The following PCDHGA7 variants were observed in gnomAD, a reference collection of about 807,000 sequenced individuals.
PCDHGA7 encodes the protein protocadherin gamma-A7.
A neutral mutation model predicts 58.3 loss-of-function variants in PCDHGA7; 44 were observed. That is an observed-to-expected ratio of 0.75 (90% CI 0.59 to 0.97). The LOEUF is 0.97. Among genes scored for constraint, PCDHGA7 ranks in the 50% least tolerant of loss-of-function variants. The pLI, the probability that PCDHGA7 is intolerant of heterozygous loss-of-function variation, is 0.00. For synonymous variants in PCDHGA7, 516 were observed against 504.2 expected (o/e 1.02, Z -0.31); for missense variants, 1,266 against 1,188.7 (o/e 1.06, Z -0.96).
chr5:141,479,928 C>T (rs1309777916), intron 1 of PCDHGA7, among the ~76,000 whole-genome samples: 1 of 152,222 alleles, frequency 6.6e-6, no homozygotes, highest in African/African-American at 2.4e-5. Flanking sequence ...CTCAGTGCAT[C>T]ATTGCTATCA....
At chr5:141,461,974 C>T (rs2099027742) in intron 1 of PCDHGA7, among the ~76,000 whole-genome samples, 1 of 152,202 alleles carries the variant, frequency 6.6e-6, no homozygotes, top group Non-Finnish European at 1.5e-5. Context: ...CAGGCATATG[C>T]CACCACGCCA....
intron 1 of PCDHGA7, among the ~76,000 whole-genome samples, chr5:141,453,095 G>T (rs1254113352): frequency 6.6e-6 from 1 of 151,962 alleles, no homozygotes; most frequent in African/African-American, 2.4e-5. Flanking sequence ...TATATTTTCT[G>T]TTGCTTTTTT....
At position 141,510,228 on chromosome 5, in the gene PCDHGA7, G is replaced by A. The variant is rs529723748; in HGVS notation, c.2573-719G>A. The stretch of plus-strand genomic sequence containing the variant: ...GCAGAGGTTGCAGTGAGCCGGGATC[G>A]CGCCACTGCACTCCAGGCTGGGCGA... On this transcript the variant is annotated intron_variant, in intron 3 of 3. Coordinates refer to ENST00000518325, the MANE Select transcript of PCDHGA7 (RefSeq NM_018920.4). Among the ~76,000 whole-genome samples the A allele has an allele frequency of 1.4e-3, 208 of 150,722 alleles. 1 individual carries two copies. Among genetic ancestry groups the A allele is most frequent in the African/African-American group, 4.7e-3 (193 of 40,860 alleles).
chr5:141,395,961 G>C (rs1016569431), intron 1 of PCDHGA7: 1 of 151,956 alleles, frequency 6.6e-6, no homozygotes, highest in Non-Finnish European at 1.5e-5. Flanking sequence ...AAAAACAAAA[G>C]CAAAAACATT....
At position 141,432,651 on chromosome 5, in the gene PCDHGA7, C is replaced by A; in HGVS notation, c.2424+47328C>A. 2.5e-6 allele frequency: 4 copies of A among 1,613,824 alleles called. No individual in the cohort carries two copies. The highest frequency in any genetic ancestry group is 1.1e-5 in the South Asian group (1 of 91,058). ...ACGGGCGAGGTGCGCACGGCGCGAG[C>A]CCTGCTGGACAGAGACGCGCTCAAG... On this transcript the variant is annotated intron_variant, in intron 1 of 3. Coordinates refer to ENST00000518325, the MANE Select transcript of PCDHGA7 (RefSeq NM_018920.4). This position sits in a 1 kb window ranked among gnomAD's most constrained non-coding sequence, Gnocchi z 6.0.
At chr5:141,471,075 G>T (rs574363005) in intron 1 of PCDHGA7, among the ~76,000 whole-genome samples, 1 of 143,346 alleles carries the variant, frequency 7.0e-6, no homozygotes, top group East Asian at 2.0e-4. Context: ...TTGAGACAGG[G>T]TCTCCCTCTG....
In PCDHGA7 at chr5:141,511,112, G is replaced by C. The variant is rs767257788; in HGVS notation, c.2738G>C (p.Gly913Ala). The change falls in exon 4 of 4, where the codon GGC becomes GCC. Residue 913 changes from glycine (G) to alanine (A), a missense_variant. Coordinates refer to ENST00000518325, the MANE Select transcript of PCDHGA7 (RefSeq NM_018920.4). ...TLTNAAGKRD[G>A]KAPAGGNGNK... The stretch of plus-strand genomic sequence containing the variant: ...ACCAACGCAGCTGGCAAGCGGGATG[G>C]CAAGGCCCCAGCAGGTGGCAATGGC... The C allele has an allele frequency of 4.3e-6, 7 of 1,614,232 alleles. No homozygotes were observed. Among genetic ancestry groups the C allele is most frequent in the Non-Finnish European group, 5.9e-6 (7 of 1,180,024 alleles).
chr5:141,450,937 A>G (rs1011608521), intron 1 of PCDHGA7, among the ~76,000 whole-genome samples: 1 of 148,134 alleles, frequency 6.8e-6, no homozygotes, highest in African/African-American at 2.5e-5. Flanking sequence ...CAATTCTCCT[A>G]CCTCAGCCTC....
intron 1 of PCDHGA7, chr5:141,415,388 G>C (rs752789407): frequency 6.2e-7 from 1 of 1,614,236 alleles, no homozygotes; most frequent in East Asian, 2.2e-5. Flanking sequence ...GGCTTGACAG[G>C]TGTGTCCGGC....
chr5:141,403,626 C>T, intron 1 of PCDHGA7: 1 of 1,613,910 alleles, frequency 6.2e-7, no homozygotes, highest in Non-Finnish European at 8.5e-7. Context: ...CGCTCCAGCA[C>T]AGTGCGCATC....
At chr5:141,469,372 C>A (rs780872014) in intron 1 of PCDHGA7, among the ~76,000 whole-genome samples, 1 of 151,990 alleles carries the variant, frequency 6.6e-6, no homozygotes, top group East Asian at 1.9e-4. Context: ...GTAAAGAGAT[C>A]GAGACCATCC....
chr5:141,512,917 T>C lies in PCDHGA7; in HGVS notation c.*1744T>C, dbSNP rs543880225. On this transcript the variant is annotated 3_prime_UTR_variant, in exon 4 of 4. Transcript: ENST00000518325. ...TGTGTCTCACGCAAGTTTTATACTCTAATATTTATATGGCTTTTTTTCTTC... is the reference window on the plus strand; with the variant it reads ...TGTGTCTCACGCAAGTTTTATACTCCAATATTTATATGGCTTTTTTTCTTC... The C allele has an allele frequency of 1.3e-5, 2 of 152,378 alleles. No individual in the cohort carries two copies. Among genetic ancestry groups the C allele is most frequent in the African/African-American group, 2.4e-5 (1 of 41,588 alleles). The allele number at this position is 152,378 out of a possible 1,614,324, so 9.4% of individuals were successfully genotyped here.
chr5:141,421,277 T>C (rs761435958), intron 1 of PCDHGA7: 2 of 1,612,826 alleles, frequency 1.2e-6, no homozygotes, highest in Non-Finnish European at 1.7e-6. Flanking sequence ...CTGCTGCTGC[T>C]GTGCATTTTC....
rs115808055 is a variant in PCDHGA7 at position 141,476,782 on chromosome 5, A to G, written c.2425-18025A>G. Reference sequence around the variant, plus strand: ...TGACGGCGTTGGACGGAGGGACCCCAGCTCTCTCCGCCAGCCTGCCTATTC... The same window carrying G: ...TGACGGCGTTGGACGGAGGGACCCCGGCTCTCTCCGCCAGCCTGCCTATTC... On this transcript the variant is annotated intron_variant, in intron 1 of 3. Transcript: ENST00000518325. This position sits in a 1 kb window ranked among gnomAD's most constrained non-coding sequence, Gnocchi z 7.6. 18,517 of 1,613,566 alleles carry G rather than the reference A, an allele frequency of 0.011. 139 individuals are homozygous for G. Among genetic ancestry groups the G allele is most frequent in the Non-Finnish European group, 0.014 (16,976 of 1,179,996 alleles).
At chr5:141,385,880 A>G (rs192436155) in intron 1 of PCDHGA7, 3 of 153,092 alleles carry the variant, frequency 2.0e-5, no homozygotes, top group Admixed American at 1.9e-4. Context: ...ATTTATGCCT[A>G]AAGAATGAAA....
chr5:141,415,823 G>T (rs529200891), intron 1 of PCDHGA7: 1 of 1,316,022 alleles, frequency 7.6e-7, no homozygotes, highest in East Asian at 2.8e-5. Context: ...ATATCATAAG[G>T]CTTTGTTATG....
intron 1 of PCDHGA7, chr5:141,410,815 T>C: frequency 1.8e-6 from 1 of 553,722 alleles, no homozygotes; most frequent in Non-Finnish European, 2.9e-6. Context: ...TTTTGTAAAA[T>C]AATGTCACCA....
At chr5:141,430,652 A>G in intron 1 of PCDHGA7, 1 of 1,069,464 alleles carries the variant, frequency 9.4e-7, no homozygotes. Context: ...ATGTGGAAAC[A>G]ACGGAGGAGC....
chr5:141,401,125 C>T (rs2094118410), intron 1 of PCDHGA7, among the ~76,000 whole-genome samples: 1 of 152,200 alleles, frequency 6.6e-6, no homozygotes, highest in South Asian at 2.1e-4. Context: ...GGTTGGATCA[C>T]ATGGTCAGGA....
Sources: allele counts gnomAD v4.1 joint callset (sites outside exome capture counted in the v4.1 genomes callset), GRCh38; gene constraint gnomAD v4.1.1; non-coding constraint Gnocchi (gnomAD v3.1); transcripts MANE v1.5; gene names NCBI Gene and HGNC (gene_info 2026-07-23, HGNC 2026-07-21).